The following GRIP1 variants were observed in gnomAD, a reference collection of about 807,000 sequenced individuals.
The protein encoded by GRIP1 is glutamate receptor interacting protein 1.
A neutral mutation model predicts 129.9 loss-of-function variants in GRIP1; 45 were observed. That is an observed-to-expected ratio of 0.35 (90% CI 0.27 to 0.44). The LOEUF is 0.44. Among genes scored for constraint, GRIP1 ranks in the 20% least tolerant of loss-of-function variants. GRIP1 has a pLI of 1.00. For synonymous variants in GRIP1, 530 were observed against 520.8 expected (o/e 1.02, Z -0.24); for missense variants, 1,196 against 1,396.8 (o/e 0.86, Z 2.29).
rs267603634 is a variant in GRIP1, at chr12:66,432,556, G to A, written c.1760C>T (p.Thr587Ile). ...PKKHNVELGI[T>I]ISSPSSRKPG... ...AAATAACTTCTACTTACAACTTATG[G>A]TTATTCCAAGTTCCACATTGTGCTT... is the stretch of plus-strand genomic sequence containing the variant. The change falls in exon 14 of 25, where the codon ACC (threonine) becomes ATC (isoleucine). Residue 587 changes from threonine (T) to isoleucine (I), a missense_variant. By Grantham distance (89) the Thr-to-Ile change is moderately conservative. This residue lies in a region of GRIP1 where 508 missense variants were observed against 587.0 expected (regional missense o/e 0.87). Coordinates refer to ENST00000359742, the MANE Select transcript of GRIP1 (RefSeq NM_001366722.1). 1.3e-6 allele frequency: 2 copies of A among 1,573,118 alleles called. No homozygotes were observed. Among genetic ancestry groups the A allele is most frequent in the Non-Finnish European group, 1.7e-6 (2 of 1,144,180 alleles).
At chr12:66,778,169 G>T (rs1480024) in intron 1 of GRIP1, among the ~76,000 whole-genome samples, 129,350 of 152,156 alleles carry the variant, frequency 0.85, 55,627 homozygotes, top group Middle Eastern at 0.95. Flanking sequence ...CATTTTAAAA[G>T]GTGGCTACAG....
At chr12:66,712,216 T>C (rs2035734703) in intron 1 of GRIP1, among the ~76,000 whole-genome samples, 2 of 152,028 alleles carry the variant, frequency 1.3e-5, no homozygotes, top group Admixed American at 1.3e-4. Context: ...AACTGGAAAA[T>C]ATTTTATATT....
rs1219362080 is a variant in GRIP1 at position 67,004,558 on chromosome 12, C to T, written c.58+64492G>A. Among the ~76,000 whole-genome samples, 3 of 151,920 alleles carry T rather than the reference C, an allele frequency of 2.0e-5. No homozygotes were observed. In the East Asian group the frequency reaches 5.8e-4, roughly 29 times the overall value. On this transcript the variant is annotated intron_variant, in intron 1 of 1. Transcript: ENST00000643019. ...TTACAAAATCATCAACAAGCCTGGC[C>T]ATGGAAAGGAGGAGAGTATAGAAAG...
chr12:66,440,399 G>C (rs558884832), intron 13 of GRIP1, among the ~76,000 whole-genome samples: 1 of 152,148 alleles, frequency 6.6e-6, no homozygotes, highest in East Asian at 1.9e-4. Context: ...GCAAACACCA[G>C]GTCTTATTCA....
chr12:66,754,401 C>T (rs1045474853), intron 1 of GRIP1, among the ~76,000 whole-genome samples: 17 of 152,292 alleles, frequency 1.1e-4, no homozygotes, highest in South Asian at 6.2e-4. Context: ...CACACCGCAG[C>T]GTTTCTTGGG....
Position 66,842,983 on chromosome 12 carries a change from T to C in GRIP1, c.58+226067A>G, listed in dbSNP as rs925140336. On this transcript the variant is annotated intron_variant, in intron 1 of 1. Coordinates refer to the GRIP1 transcript ENST00000643019. Reference sequence around the variant, plus strand: ...TAAAGTTGTCAAAATATCATATACATCTGTATTTGAAAAGAGATTAATTCA... The same window carrying C: ...TAAAGTTGTCAAAATATCATATACACCTGTATTTGAAAAGAGATTAATTCA... Among the ~76,000 whole-genome samples the C allele has an allele frequency of 2.6e-5, 4 of 152,132 alleles. No individual in the cohort carries two copies. In the South Asian group the frequency reaches 6.2e-4, roughly 24 times the overall value.
chr12:66,515,454 C>A (rs79308830), intron 7 of GRIP1, among the ~76,000 whole-genome samples, 165 bp downstream of exon 7: 441 of 152,212 alleles, frequency 2.9e-3, no homozygotes, highest in African/African-American at 0.01. Context: ...AAAGTACAGC[C>A]ACTCACATAT....
At chr12:66,428,819 A>C (rs2058061716) in intron 14 of GRIP1, among the ~76,000 whole-genome samples, 1 of 152,204 alleles carries the variant, frequency 6.6e-6, no homozygotes, top group South Asian at 2.1e-4. Flanking sequence ...AAGGGAAAAC[A>C]CCCATGTAAA....
At chr12:66,717,950 G>T (rs2035943727) in intron 1 of GRIP1, among the ~76,000 whole-genome samples, 1 of 152,098 alleles carries the variant, frequency 6.6e-6, no homozygotes, top group Non-Finnish European at 1.5e-5. Flanking sequence ...TGTTTCCTGG[G>T]TGTGCCAGGA....
At chr12:66,800,608 T>C (rs2038830494) in intron 1 of GRIP1, among the ~76,000 whole-genome samples, 5 of 152,148 alleles carry the variant, frequency 3.3e-5, no homozygotes, top group Admixed American at 3.3e-4. Context: ...TCAGACATTT[T>C]ATTTTTGTAT....
At chr12:66,521,588 G>A (rs2061004696) in intron 5 of GRIP1, among the ~76,000 whole-genome samples, 1 of 152,152 alleles carries the variant, frequency 6.6e-6, no homozygotes, top group Non-Finnish European at 1.5e-5. Flanking sequence ...CGCAGAAGAC[G>A]GGTGATTTCT....
chr12:66,556,073 G>A (rs2062320767), intron 2 of GRIP1, among the ~76,000 whole-genome samples: 1 of 151,934 alleles, frequency 6.6e-6, no homozygotes, highest in Non-Finnish European at 1.5e-5. Context: ...AGTACAAAAA[G>A]GTTATAGAAC....
intron 17 of GRIP1, among the ~76,000 whole-genome samples, chr12:66,393,448 A>C (rs1355899704): frequency 1.3e-5 from 2 of 152,074 alleles, no homozygotes; most frequent in Non-Finnish European, 2.9e-5. Flanking sequence ...CTGGGATTAC[A>C]GGTGTGAGCC....
In GRIP1 at chr12:66,643,109, G is replaced by C. The variant is rs572850610; in HGVS notation, c.55+35741C>G. Among the ~76,000 whole-genome samples the C allele has an allele frequency of 2.6e-5, 4 of 152,228 alleles. No individual in the cohort carries two copies. The East Asian group carries it at 5.8e-4, about 22-fold the overall frequency. ...GATTAAAGAAGTTCATAATATCCAG[G>C]GGCACTGAGATTATGGGGAAATAAG... On this transcript the variant is annotated intron_variant, in intron 1 of 24. Coordinates refer to ENST00000359742, the MANE Select transcript of GRIP1 (RefSeq NM_001366722.1).
At chr12:66,582,521 C>T (rs1381593577) in intron 2 of GRIP1, among the ~76,000 whole-genome samples, 4 of 144,842 alleles carry the variant, frequency 2.8e-5, no homozygotes, top group Non-Finnish European at 4.6e-5. Context: ...TGTCTCAGCC[C>T]AAAATCTCCT....
intron 1 of GRIP1, among the ~76,000 whole-genome samples, chr12:66,704,349 G>A (rs1030914047): frequency 3.3e-5 from 5 of 151,806 alleles, no homozygotes; most frequent in African/African-American, 9.7e-5. Flanking sequence ...AAATTCAAAT[G>A]TAATCAGAAT....
intron 1 of GRIP1, among the ~76,000 whole-genome samples, chr12:66,751,050 T>C (rs2037110574): frequency 6.6e-6 from 1 of 151,876 alleles, no homozygotes. Flanking sequence ...AGGATAACAT[T>C]CATTTAAAAA....
intron 1 of GRIP1, among the ~76,000 whole-genome samples, chr12:66,634,699 G>C (rs2031182742): frequency 6.6e-6 from 1 of 152,128 alleles, no homozygotes; most frequent in African/African-American, 2.4e-5. Flanking sequence ...ATGTTTCAAG[G>C]CAAAGAAGTC....
chr12:66,894,040 T>G (rs2040704878), intron 1 of GRIP1, among the ~76,000 whole-genome samples: 1 of 152,222 alleles, frequency 6.6e-6, no homozygotes, highest in Non-Finnish European at 1.5e-5. Context: ...ACTCAGGGCC[T>G]GTGTACTTGC....
Sources: gnomAD v4.1 joint callset for allele counts (sites outside exome capture counted in the v4.1 genomes callset) on GRCh38, gnomAD v4.1.1 for gene constraint, gnomAD v4.1.1 regional missense constraint, MANE v1.5 for transcripts, NCBI Gene and HGNC (gene_info 2026-07-23, HGNC 2026-07-21) for gene names.